The following AOC1 variants were observed in gnomAD, a reference collection of about 807,000 sequenced individuals.
The protein encoded by AOC1 is diamine oxidase [copper-containing].
A neutral mutation model predicts 57.1 loss-of-function variants in AOC1; 58 were observed. The ratio of observed to expected loss-of-function variants is 1.02; its 90% confidence interval spans 0.82 to 1.26. The LOEUF is 1.26. Ranked by LOEUF, AOC1 falls within the 50% of genes most tolerant of loss-of-function variation. The pLI, the probability that AOC1 is intolerant of heterozygous loss-of-function variation, is 0.00. For synonymous variants in AOC1, 401 were observed against 423.4 expected (o/e 0.95, Z 0.65); for missense variants, 917 against 1,005.3 (o/e 0.91, Z 1.19).
rs1417198365 is a variant in AOC1 at position 150,861,389 on chromosome 7, T to C, written c.*180T>C. On this transcript the variant is annotated 3_prime_UTR_variant, in exon 5 of 5. Transcript: ENST00000360937. The surrounding 1 kb of genome is among the most constrained non-coding windows in gnomAD (Gnocchi z 4.5). ...ACAGACGTGCACACACACACAGACA[T>C]GCACACACACACAGACGTGCACACA... The C allele has an allele frequency of 6.1e-6, 4 of 652,978 alleles. No homozygotes were observed. The Admixed American group carries it at 1.2e-4, about 20-fold the overall frequency. 40.4% of individuals were successfully genotyped at this position (652,978 alleles called of 1,614,324 possible).
At position 150,857,889 on chromosome 7, in the gene AOC1, G is replaced by A. The variant is rs1171437042; in HGVS notation, c.1419G>A (p.Gly473=). The A allele has an allele frequency of 6.2e-7, 1 of 1,613,534 alleles. No individual in the cohort carries two copies. The highest frequency in any genetic ancestry group is 8.5e-7 in the Non-Finnish European group (1 of 1,179,736). ...GGGACTTTATCTTCTACCCCAACGGGGTGATGGAGGCCAAGATGCATGCCA... is the reference window on the plus strand; with the variant it reads ...GGGACTTTATCTTCTACCCCAACGGAGTGATGGAGGCCAAGATGCATGCCA... The part of the protein sequence containing the change: ...YIWDFIFYPN[G]VMEAKMHATG... The change falls in exon 2 of 5, where the codon GGG becomes GGA. Residue 473 remains glycine, a synonymous_variant. Transcript: ENST00000360937. This position sits in a 1 kb window ranked among gnomAD's most constrained non-coding sequence, Gnocchi z 6.6.
At chr7:150,860,360 C>T in intron 3 of AOC1, 141 bp from the exon 4 acceptor site, 1 of 1,449,540 alleles carries the variant, frequency 6.9e-7, no homozygotes. Context: ...GCCCGTCCTG[C>T]TGACTCCCAG....
Position 150,856,441 on chromosome 7 carries a change from C to G in AOC1, c.-16-14C>G, listed in dbSNP as rs752040763. 1.1e-4 allele frequency: 169 copies of G among 1,593,062 alleles called. No individual in the cohort carries two copies. The highest frequency in any genetic ancestry group is 1.4e-4 in the Non-Finnish European group (163 of 1,172,072). On this transcript the variant is annotated splice_polypyrimidine_tract_variant and intron_variant, in intron 1 of 4. Coordinates refer to ENST00000360937, the MANE Select transcript of AOC1 (RefSeq NM_001091.4). The surrounding 1 kb of genome is among the most constrained non-coding windows in gnomAD (Gnocchi z 5.2). ...CATAAGACAACTAAGTTCATCTCCTCTATTGCATTCCAGAGCCGTGGAGCG... is the reference window on the plus strand; with the variant it reads ...CATAAGACAACTAAGTTCATCTCCTGTATTGCATTCCAGAGCCGTGGAGCG...
chr7:150,860,455 G>C (rs758501009), intron 3 of AOC1, 46 bp from the exon 4 acceptor site: 1 of 1,612,064 alleles, frequency 6.2e-7, no homozygotes, highest in African/African-American at 1.3e-5. Flanking sequence ...ACTGAGGGGG[G>C]CCAGCCCAGG....
rs1335811640 is a variant in AOC1, at chr7:150,861,347, AACAGACGTGCACACAC to A, written c.*158_*173del. 4.5e-5 allele frequency: 45 copies of A among 1,005,166 alleles called. 1 individual carries two copies. Among genetic ancestry groups the A allele is most frequent in the African/African-American group, 1.2e-4 (6 of 49,268 alleles). 62.3% of individuals were successfully genotyped at this position (1,005,166 alleles called of 1,614,324 possible). On this transcript the variant is annotated 3_prime_UTR_variant, in exon 5 of 5. Coordinates refer to ENST00000360937, the MANE Select transcript of AOC1 (RefSeq NM_001091.4). The surrounding 1 kb of genome is among the most constrained non-coding windows in gnomAD (Gnocchi z 4.5). ...GGGCCATGTGTGTAGGAAACACACGAACAGACGTGCACACACACAGACGTGCACACACACACAGACA... is the reference window on the plus strand; with the variant it reads ...GGGCCATGTGTGTAGGAAACACACGAACAGACGTGCACACACACACAGACA...
At chr7:150,860,696 C>A in intron 4 of AOC1, 63 bp downstream of exon 4, 2 of 1,562,816 alleles carry the variant, frequency 1.3e-6, no homozygotes, top group Non-Finnish European at 8.7e-7. Flanking sequence ...CAGCCCAGGA[C>A]CATCCTCATC....
chr7:150,857,771 A>C lies in AOC1; in HGVS notation c.1301A>C (p.Asn434Thr). Reference protein sequence around the residue: ...GVPLRRHFNSNFKGGFNFYAG... With the variant: ...GVPLRRHFNSTFKGGFNFYAG... ...CCCCTTCGGCGGCACTTTAATTCCAACTTTAAAGGTGGCTTCAACTTCTAT... is the reference window on the plus strand; with the variant it reads ...CCCCTTCGGCGGCACTTTAATTCCACCTTTAAAGGTGGCTTCAACTTCTAT... The change falls in exon 2 of 5, where the codon AAC becomes ACC. Residue 434 changes from asparagine (N) to threonine (T), a missense_variant. Asn to Thr is a moderately conservative substitution (Grantham distance 65). Coordinates refer to ENST00000360937, the MANE Select transcript of AOC1 (RefSeq NM_001091.4). This position sits in a 1 kb window ranked among gnomAD's most constrained non-coding sequence, Gnocchi z 6.6. The C allele has an allele frequency of 1.2e-6, 2 of 1,614,118 alleles. No homozygotes were observed. The highest frequency in any genetic ancestry group is 4.5e-5 in the East Asian group (2 of 44,882).
chr7:150,859,694 C>T, intron 3 of AOC1: 1 of 112,170 alleles, frequency 8.9e-6, no homozygotes, highest in East Asian at 3.2e-4. Context: ...CAGAGCAAGA[C>T]TAGTTCTCAA....
At chr7:150,860,671 T>G in intron 4 of AOC1, 38 bp downstream of exon 4, 1 of 1,602,042 alleles carries the variant, frequency 6.2e-7, no homozygotes, top group East Asian at 2.2e-5. Flanking sequence ...GTGCTGGCCC[T>G]GCCTCCTTCC....
At position 150,856,441 on chromosome 7, in the gene AOC1, C is replaced by T. The variant is rs752040763; in HGVS notation, c.-16-14C>T. 12 of 1,593,180 alleles carry T rather than the reference C, an allele frequency of 7.5e-6. No individual in the cohort carries two copies. In the South Asian group the frequency reaches 1.3e-4, roughly 17 times the overall value. On this transcript the variant is annotated splice_polypyrimidine_tract_variant and intron_variant, in intron 1 of 4. Transcript: ENST00000360937. The surrounding 1 kb of genome is among the most constrained non-coding windows in gnomAD (Gnocchi z 5.2). ...CATAAGACAACTAAGTTCATCTCCTCTATTGCATTCCAGAGCCGTGGAGCG... is the reference window on the plus strand; with the variant it reads ...CATAAGACAACTAAGTTCATCTCCTTTATTGCATTCCAGAGCCGTGGAGCG...
Position 150,859,016 on chromosome 7 carries a change from C to A in AOC1, c.1824C>A (p.Gly608=). The A allele has an allele frequency of 6.3e-7, 1 of 1,587,276 alleles. No individual in the cohort carries two copies. The highest frequency in any genetic ancestry group is 1.1e-5 in the South Asian group (1 of 89,234). The change falls in exon 3 of 5, where the codon GGC becomes GGA. Residue 608 remains glycine (G), a synonymous_variant. Coordinates refer to ENST00000360937, the MANE Select transcript of AOC1 (RefSeq NM_001091.4). The part of the protein sequence containing the change: ...HSMADQVLPP[G]WQEEQAITWA... ...TGGCCGACCAGGTGCTGCCCCCAGG[C>A]TGGCAGGAGGAGCAGGCCATCACCT...
rs759480873 is a variant in AOC1 at position 150,857,969 on chromosome 7, G to T, written c.1499G>T (p.Arg500Leu). The change falls in exon 2 of 5, where the codon CGC becomes CTC. Residue 500 changes from arginine to leucine, a missense_variant. Physicochemically the swap from Arg to Leu is moderately radical, Grantham distance 102. Transcript: ENST00000360937. The surrounding 1 kb of genome is among the most constrained non-coding windows in gnomAD (Gnocchi z 6.6). ...YTPEGLRHGT[R>L]LHTHLIGNIH... is the part of the protein sequence containing the mutation. Reference sequence around the variant, plus strand: ...CCCGAGGGGCTGCGCCACGGCACTCGCCTGCACACCCACCTGATTGGCAAC... The same window carrying T: ...CCCGAGGGGCTGCGCCACGGCACTCTCCTGCACACCCACCTGATTGGCAAC... 1.3e-6 allele frequency: 2 copies of T among 1,595,104 alleles called. No homozygotes were observed. The highest frequency in any genetic ancestry group is 1.7e-4 in the Middle Eastern group (1 of 5,992).
upstream of AOC1, chr7:150,852,191 GT>G (rs1799646267): frequency 6.6e-6 from 1 of 152,326 alleles, no homozygotes; most frequent in Non-Finnish European, 1.5e-5. The surrounding 1 kb of genome is among the most constrained non-coding windows in gnomAD (Gnocchi z 4.6). Context: ...TCAGCTTCAG[GT>G]AAGACTACCG....
intron 1 of AOC1, among the ~76,000 whole-genome samples, chr7:150,855,252 G>A (rs1042194660): frequency 6.6e-6 from 1 of 152,150 alleles, no homozygotes; most frequent in African/African-American, 2.4e-5. Context: ...CACGGTGACG[G>A]CAGCCTTCCA....
Position 150,857,030 on chromosome 7 carries a change from TG to T in AOC1, c.562del (p.Ala188ProfsTer20). ...CHDRCLAFTDVAPRGVASGQR... is the reference protein window; with the variant it reads ...CHDRCLAFTDXAPRGVASGQR... ...GACAGATGCCTGGCCTTCACCGATG[TG>T]GCCCCCCGGGGTGTGGCTTCTGGCC... On this transcript the variant is annotated frameshift_variant, in exon 2 of 5. Coordinates refer to ENST00000360937, the MANE Select transcript of AOC1 (RefSeq NM_001091.4). LOFTEE classifies it high-confidence loss of function. This position sits in a 1 kb window ranked among gnomAD's most constrained non-coding sequence, Gnocchi z 6.6. 1 of 1,614,150 alleles carries T rather than the reference TG, an allele frequency of 6.2e-7. No homozygotes were observed. Among genetic ancestry groups the T allele is most frequent in the Non-Finnish European group, 8.5e-7 (1 of 1,179,998 alleles).
chr7:150,856,615 T>C lies in AOC1; in HGVS notation c.145T>C (p.Trp49Arg). ...QELKAVHSFL[W>R]SKKELRLQPS... Reference sequence around the variant, plus strand: ...GCTGAAGGCAGTGCACAGCTTCCTCTGGTCCAAGAAGGAGCTGAGGCTGCA... The same window carrying C: ...GCTGAAGGCAGTGCACAGCTTCCTCCGGTCCAAGAAGGAGCTGAGGCTGCA... Residue 49 changes from tryptophan to arginine, a missense_variant, in exon 2 of 5, where the codon TGG becomes CGG. By Grantham distance (101) the Trp-to-Arg change is moderately radical. Coordinates refer to ENST00000360937, the MANE Select transcript of AOC1 (RefSeq NM_001091.4). This position sits in a 1 kb window ranked among gnomAD's most constrained non-coding sequence, Gnocchi z 5.2. The C allele has an allele frequency of 6.2e-7, 1 of 1,614,138 alleles. No individual in the cohort carries two copies. The highest frequency in any genetic ancestry group is 8.5e-7 in the Non-Finnish European group (1 of 1,179,990).
chr7:150,857,715 C>A lies in AOC1; in HGVS notation c.1245C>A (p.Ala415=). ...DADDPVHYPR[A]LCLFEMPTGV... The stretch of plus-strand genomic sequence containing the variant: ...ATGACCCGGTCCATTATCCCCGAGC[C>A]CTCTGCCTCTTTGAAATGCCCACAG... Residue 415 remains alanine, a synonymous_variant, in exon 2 of 5, where the codon GCC becomes GCA. Transcript: ENST00000360937. The surrounding 1 kb of genome is among the most constrained non-coding windows in gnomAD (Gnocchi z 6.6). 6.2e-7 allele frequency: 1 copy of A among 1,614,164 alleles called. No homozygotes were observed. Among genetic ancestry groups the A allele is most frequent in the Non-Finnish European group, 8.5e-7 (1 of 1,180,000 alleles).
Position 150,858,841 on chromosome 7 carries a change from T to C in AOC1, c.1649T>C (p.Val550Ala). The C allele has an allele frequency of 6.2e-7, 1 of 1,613,858 alleles. No homozygotes were observed. Among genetic ancestry groups the C allele is most frequent in the Admixed American group, 1.7e-5 (1 of 60,008 alleles). The change falls in exon 3 of 5, where the codon GTC becomes GCC. Residue 550 changes from valine to alanine, a missense_variant. Physicochemically the swap from Val to Ala is moderately conservative, Grantham distance 64 (BLOSUM62 0). Coordinates refer to ENST00000360937, the MANE Select transcript of AOC1 (RefSeq NM_001091.4). ...TNPWSPRHRV[V>A]QPTLEQTQYS... ...CCCTGGAGCCCAAGACACCGCGTGG[T>C]CCAGCCAACTCTGGAGCAGACGCAG...
Position 150,858,879 on chromosome 7 carries a change from C to T in AOC1, c.1687C>T (p.Arg563Cys), listed in dbSNP as rs184475301. 3.4e-5 allele frequency: 55 copies of T among 1,613,784 alleles called. No individual in the cohort carries two copies. The highest frequency in any genetic ancestry group is 1.7e-4 in the Middle Eastern group (1 of 6,060). ...GGAGCAGACGCAGTACTCCTGGGAGCGCCAGGCGGCCTTCCGCTTCAAAAG... is the reference window on the plus strand; with the variant it reads ...GGAGCAGACGCAGTACTCCTGGGAGTGCCAGGCGGCCTTCCGCTTCAAAAG... ...TLEQTQYSWE[R>C]QAAFRFKRKL... The change falls in exon 3 of 5, where the codon CGC becomes TGC. Residue 563 changes from arginine to cysteine, a missense_variant. Coordinates refer to ENST00000360937, the MANE Select transcript of AOC1 (RefSeq NM_001091.4).
Sources: gnomAD v4.1 joint callset for allele counts (sites outside exome capture counted in the v4.1 genomes callset) on GRCh38, gnomAD v4.1.1 for gene constraint, Gnocchi (gnomAD v3.1) non-coding constraint, MANE v1.5 for transcripts, NCBI Gene and HGNC (gene_info 2026-07-23, HGNC 2026-07-21) for gene names.